Variants in CRTC1 observed in about 807,000 individuals in gnomAD.
The protein encoded by CRTC1 is CREB regulated transcription coactivator 1, also known as CREB-regulated transcription coactivator 1.
A neutral mutation model predicts 66.1 loss-of-function variants in CRTC1; 18 were observed. The ratio of observed to expected loss-of-function variants is 0.27; its 90% CI spans 0.19 to 0.40. The LOEUF is 0.40. Among genes scored for constraint, CRTC1 ranks in the 10% least tolerant of loss-of-function variants. The pLI, the probability that CRTC1 is intolerant of heterozygous loss-of-function variation, is 1.00. For synonymous variants in CRTC1, 416 were observed against 398.8 expected, an observed-to-expected ratio of 1.04 and a Z score of -0.51; for missense variants, 669 against 887.9, an observed-to-expected ratio of 0.75 and a Z score of 3.13.
In CRTC1 at chr19:18,777,526, C is replaced by T. The variant is rs764616583; in HGVS notation, c.*144C>T. The T allele has an allele frequency of 1.7e-5, 13 of 765,164 alleles. No individual in the cohort carries two copies. Among genetic ancestry groups the T allele is most frequent in the South Asian group, 1.5e-4 (9 of 60,594 alleles). 47.4% of individuals were successfully genotyped at this position (765,164 alleles called of 1,614,324 possible). A position where few individuals can be genotyped will look rare whatever the true frequency, so the allele number is the denominator to read the frequency against. On this transcript the variant is annotated 3_prime_UTR_variant, in exon 14 of 14. Transcript: ENST00000321949. This position sits in a 1 kb window ranked among gnomAD's most constrained non-coding sequence, Gnocchi z 5.5. ...CAAGCGCCCCCCGCCAGCCCGCCCCCGGTTGTCCACCTCCCGCGAAGCCCA... is the reference window on the plus strand; with the variant it reads ...CAAGCGCCCCCCGCCAGCCCGCCCCTGGTTGTCCACCTCCCGCGAAGCCCA...
chr19:18,720,384 C>G lies in CRTC1; in HGVS notation c.127-22526C>G, dbSNP rs371370330. ...TTCTTTTTTTTGAGACAGTCTCGCT[C>G]TGTCACCCAGGCTGGAGTGCAGTGG... On this transcript the variant is annotated intron_variant, in intron 1 of 13. Transcript: ENST00000321949. Among the ~76,000 whole-genome samples the G allele has an allele frequency of 6.8e-4, 103 of 152,092 alleles. 1 individual carries two copies. In the South Asian group the frequency reaches 0.02, roughly 30 times the overall value.
intron 1 of CRTC1, among the ~76,000 whole-genome samples, chr19:18,737,689 C>T (rs572720271): frequency 1.3e-5 from 2 of 152,156 alleles, no homozygotes; most frequent in South Asian, 4.2e-4. Flanking sequence ...TTCTCTCCCG[C>T]CTCTGTCATG....
chr19:18,721,369 A>AT (rs2053626275), intron 1 of CRTC1, among the ~76,000 whole-genome samples: 1 of 142,888 alleles, frequency 7.0e-6, no homozygotes, highest in Admixed American at 7.0e-5. Context: ...AATTTTTTGT[A>AT]TTTTCGGTAG....
chr19:18,693,724 C>G (rs2052911052), intron 1 of CRTC1, among the ~76,000 whole-genome samples: 1 of 151,942 alleles, frequency 6.6e-6, no homozygotes, highest in African/African-American at 2.4e-5. Context: ...TCGTGATCCA[C>G]CCGCCTTGGC....
chr19:18,747,264 C>T, intron 4 of CRTC1, 150 bp downstream of exon 4: 6 of 600,172 alleles, frequency 1.0e-5, no homozygotes, highest in Non-Finnish European at 1.5e-5. Context: ...TTAGCCTTCA[C>T]CCTGAAACAC....
intron 1 of CRTC1, among the ~76,000 whole-genome samples, chr19:18,739,913 T>C (rs2054075724): frequency 6.6e-6 from 1 of 152,062 alleles, no homozygotes; most frequent in African/African-American, 2.4e-5. Context: ...CCAGAAGCCG[T>C]TTTGTTCATG....
chr19:18,780,296 T>A lies in CRTC1; in HGVS notation c.*2914T>A, dbSNP rs1296868812. The A allele has an allele frequency of 2.6e-5, 6 of 231,520 alleles. No individual in the cohort carries two copies. The highest frequency in any genetic ancestry group is 5.1e-5 in the Non-Finnish European group (6 of 117,076). The allele number at this position is 231,520 out of a possible 1,614,324, so 14.3% of individuals were successfully genotyped here. A position where few individuals can be genotyped will look rare whatever the true frequency, so the allele number is the denominator to read the frequency against. ...GTACATCGGTCCCCTACGGCGAAGT[T>A]CAGCCAGGGCTCTCCCTCCTGAGAG... On this transcript the variant is annotated 3_prime_UTR_variant, in exon 14 of 14. Transcript: ENST00000321949.
chr19:18,775,140 C>T (rs555298024), intron 12 of CRTC1, among the ~76,000 whole-genome samples, 154 bp downstream of exon 12: 16 of 152,390 alleles, frequency 1.0e-4, no homozygotes, highest in African/African-American at 3.4e-4. Context: ...CGCCCCGTCC[C>T]ATCTGCGGGC....
intron 11 of CRTC1, among the ~76,000 whole-genome samples, chr19:18,774,111 A>G (rs1258074105): frequency 6.6e-6 from 1 of 152,144 alleles, no homozygotes; most frequent in Non-Finnish European, 1.5e-5. Flanking sequence ...CCAGGCCTCC[A>G]GCAGCCACAA....
Position 18,768,235 on chromosome 19 carries a change from C to T in CRTC1, c.1012-250C>T, listed in dbSNP as rs550839568. ...GGCCTGAGCTGCACGGCATGTAGTG[C>T]GGGTGCAGGCACAACAAGCTGGAGG... is the stretch of plus-strand genomic sequence containing the variant. On this transcript the variant is annotated intron_variant, in intron 9 of 13. Transcript: ENST00000321949. The surrounding 1 kb of genome is among the most constrained non-coding windows in gnomAD (Gnocchi z 5.6). Among the ~76,000 whole-genome samples the T allele has an allele frequency of 3.9e-5, 6 of 152,292 alleles. No homozygotes were observed. In the South Asian group the frequency reaches 8.3e-4, roughly 21 times the overall value.
At chr19:18,775,934 C>A in intron 13 of CRTC1, 113 bp downstream of exon 13, 1 of 1,196,288 alleles carries the variant, frequency 8.4e-7, no homozygotes, top group Non-Finnish European at 1.1e-6. Flanking sequence ...GGGGTTGTGA[C>A]CCAAGCTTGA....
At chr19:18,709,338 C>T (rs750959955) in intron 1 of CRTC1, among the ~76,000 whole-genome samples, 1 of 152,092 alleles carries the variant, frequency 6.6e-6, no homozygotes, top group Non-Finnish European at 1.5e-5. Context: ...CTTTTTATGC[C>T]CACCTTGCCC....
intron 1 of CRTC1, 121 bp from the exon 2 acceptor site, chr19:18,742,789 C>T (rs2054139659): frequency 2.8e-6 from 2 of 723,462 alleles, no homozygotes; most frequent in South Asian, 1.6e-5. Context: ...TGAGGTCCTG[C>T]AAACTTCTGC....
At chr19:18,772,323 A>G (rs2054888282) in intron 11 of CRTC1, among the ~76,000 whole-genome samples, 1 of 152,110 alleles carries the variant, frequency 6.6e-6, no homozygotes, top group Admixed American at 6.5e-5. Context: ...CATCTAGAAC[A>G]TTTGTCCGGG....
rs35465891 is a variant in CRTC1, at chr19:18,728,815, C to CTTTTTTTTTTTTT, written c.127-14092_127-14080dup. Among the ~76,000 whole-genome samples the CTTTTTTTTTTTTT allele has an allele frequency of 2.5e-3, 199 of 79,344 alleles. 21 individuals carry two copies. Among genetic ancestry groups the CTTTTTTTTTTTTT allele is most frequent in the African/African-American group, 0.011 (188 of 16,912 alleles). The allele number at this position is 79,344 out of a possible 152,430, so 52.1% of individuals were successfully genotyped here. On this transcript the variant is annotated intron_variant, in intron 1 of 13. Transcript: ENST00000321949. ...ACAGGTGTGAGCCACCTCACCTGGC[C>CTTTTTTTTTTTTT]TTTTTTTTTTTTTTTGAGACAGAGT...
intron 1 of CRTC1, among the ~76,000 whole-genome samples, chr19:18,715,850 G>T (rs543464288): frequency 6.6e-6 from 1 of 152,338 alleles, no homozygotes; most frequent in East Asian, 1.9e-4. Flanking sequence ...CCTGCTCAGG[G>T]CTGCATCCTG....
chr19:18,752,410 T>C (rs2054384511), intron 5 of CRTC1, among the ~76,000 whole-genome samples: 1 of 152,116 alleles, frequency 6.6e-6, no homozygotes, highest in Admixed American at 6.6e-5. Flanking sequence ...CCTCTACCTC[T>C]CAGGCTCAAG....
chr19:18,712,682 G>A (rs1217780745), intron 1 of CRTC1, among the ~76,000 whole-genome samples: 1 of 152,098 alleles, frequency 6.6e-6, no homozygotes, highest in Non-Finnish European at 1.5e-5. Flanking sequence ...CCCCTTAGCC[G>A]GGTGCAGTTG....
rs186273955 is a variant in CRTC1, at chr19:18,690,792, G to C, written c.126+6964G>C. Among the ~76,000 whole-genome samples the C allele has an allele frequency of 3.8e-3, 579 of 152,062 alleles. 2 individuals are homozygous for C. Among genetic ancestry groups the C allele is most frequent in the Middle Eastern group, 0.024 (7 of 294 alleles). On this transcript the variant is annotated intron_variant, in intron 1 of 13. Coordinates refer to ENST00000321949, the MANE Select transcript of CRTC1 (RefSeq NM_015321.3). The stretch of plus-strand genomic sequence containing the variant: ...TATAATCCCAGCACTTTGGGAGGCC[G>C]GGGTGGGCAGATCACGAGGTCAGGA...
Sources: gnomAD v4.1 joint callset for allele counts (sites outside exome capture counted in the v4.1 genomes callset) on GRCh38, gnomAD v4.1.1 for gene constraint, Gnocchi (gnomAD v3.1) non-coding constraint, MANE v1.5 for transcripts, NCBI Gene and HGNC (gene_info 2026-07-23, HGNC 2026-07-21) for gene names.